HERC2: variants seen among roughly 807,000 people sequenced by gnomAD.
HERC2 encodes the protein E3 ubiquitin-protein ligase HERC2.
A neutral mutation model predicts 537.7 loss-of-function variants in HERC2; 102 were observed. The ratio of observed to expected loss-of-function variants is 0.19; its 90% confidence interval spans 0.16 to 0.22. The LOEUF (loss-of-function observed/expected upper bound fraction) is 0.22. Among genes scored for constraint, HERC2 ranks in the 10% least tolerant of loss-of-function variants. The pLI is 1.00. For synonymous variants in HERC2, 2,224 were observed against 2,466.2 expected (o/e 0.90, Z 2.91); for missense variants, 4,236 against 6,198.2 (o/e 0.68, Z 10.63).
At chr15:28,221,266 C>T (rs950284246) in intron 36 of HERC2, among the ~76,000 whole-genome samples, 4 of 151,428 alleles carry the variant, frequency 2.6e-5, no homozygotes, top group African/African-American at 4.9e-5. Flanking sequence ...ACCCCACAAT[C>T]CCTCACGGGC....
At chr15:28,182,901 G>C (rs904198374) in intron 56 of HERC2, among the ~76,000 whole-genome samples, 1 of 152,188 alleles carries the variant, frequency 6.6e-6, no homozygotes, top group African/African-American at 2.4e-5. Flanking sequence ...ACCTGCCCAG[G>C]AGCCACGCTG....
intron 4 of HERC2, among the ~76,000 whole-genome samples, chr15:28,289,669 C>T (rs1302696136): frequency 6.6e-6 from 1 of 152,194 alleles, no homozygotes; most frequent in African/African-American, 2.4e-5. Context: ...ATGTTTTTAG[C>T]AAGATGTGGT....
intron 23 of HERC2, among the ~76,000 whole-genome samples, chr15:28,242,705 T>A (rs1324539245): frequency 6.6e-6 from 1 of 152,220 alleles, no homozygotes; most frequent in Non-Finnish European, 1.5e-5. Flanking sequence ...TCTATCCATA[T>A]GACCAATATC....
At chr15:28,271,333 A>T (rs1215078781) in intron 9 of HERC2, among the ~76,000 whole-genome samples, 1 of 152,218 alleles carries the variant, frequency 6.6e-6, no homozygotes, top group Admixed American at 6.5e-5. Context: ...AATTCTTCTA[A>T]AGGCAGAAGA....
In HERC2 at chr15:28,191,264, C is replaced by G. The variant is rs759278882; in HGVS notation, c.8452-20G>C. Reference sequence around the variant, plus strand: ...CCAGTGCTTTAGAAAAACAAAAAAACCACATTCTCAGTTAGCAAAATTCAG... The same window carrying G: ...CCAGTGCTTTAGAAAAACAAAAAAAGCACATTCTCAGTTAGCAAAATTCAG... On this transcript the variant is annotated intron_variant, in intron 53 of 92. Transcript: ENST00000261609. The G allele has an allele frequency of 6.5e-7, 1 of 1,541,334 alleles. No individual in the cohort carries two copies. Among genetic ancestry groups the G allele is most frequent in the African/African-American group, 1.4e-5 (1 of 72,790 alleles).
In HERC2 at chr15:28,250,513, G is replaced by A. The variant is rs2905959; in HGVS notation, c.3051-1777C>T. ...AATCAAAACGTGTAATTCTGATGGG[G>A]TTCACTACTTATAAAAACTTCACAG... On this transcript the variant is annotated intron_variant, in intron 20 of 92. Transcript: ENST00000261609. Among the ~76,000 whole-genome samples the A allele has an allele frequency of 5.5e-4, 84 of 152,276 alleles. No homozygotes were observed. The Middle Eastern group carries it at 0.01, about 18-fold the overall frequency.
chr15:28,136,722 T>C (rs1890682427), intron 78 of HERC2, among the ~76,000 whole-genome samples: 1 of 152,236 alleles, frequency 6.6e-6, no homozygotes, highest in African/African-American at 2.4e-5. Context: ...TTATAATATG[T>C]CCAGGGCTGC....
rs1039468671 is a variant in HERC2, at chr15:28,142,944, T to C, written c.11427A>G (p.Thr3809=). 7 of 1,606,050 alleles carry C rather than the reference T, an allele frequency of 4.4e-6. No homozygotes were observed. In the African/African-American group the frequency reaches 5.4e-5, roughly 12 times the overall value. ...NDGETRALSF[T]GSALAALVKG... ...TCACCAAAGCAGCAAGAGCACTACC[T>C]GTAAAACTCTAAGAAACAACAGAAC... Residue 3809 remains threonine, a synonymous_variant, in exon 75 of 93, where the codon ACA becomes ACG. Coordinates refer to ENST00000261609, the MANE Select transcript of HERC2 (RefSeq NM_004667.6).
At chr15:28,320,578 TTACTTAA>T (rs1330081917) in intron 2 of HERC2, 1 of 152,022 alleles carries the variant, frequency 6.6e-6, no homozygotes, top group Non-Finnish European at 1.5e-5. Flanking sequence ...TCAAGGCACA[TTACTTAA>T]TACTTAAAAT....
rs777481301 is a variant in HERC2 at position 28,248,716 on chromosome 15, A to G, written c.3071T>C (p.Val1024Ala). ...ACGGGCAACATCTTTCAATCTGGCT[A>G]CAGTCTGAGAAGCAATGTTTCTATA... ...QLLRNIASQTVARLKDVARRI... is the reference protein window; with the variant it reads ...QLLRNIASQTAARLKDVARRI... Residue 1024 changes from valine to alanine, a missense_variant, in exon 21 of 93, where the codon GTA becomes GCA. Val to Ala is a moderately conservative substitution (Grantham distance 64). Around this residue, in one of 27 missense-constraint regions of HERC2, gnomAD observed 754 missense variants for 1,085.0 expected, o/e 0.69. Coordinates refer to ENST00000261609, the MANE Select transcript of HERC2 (RefSeq NM_004667.6). 1.9e-6 allele frequency: 3 copies of G among 1,613,762 alleles called. No individual in the cohort carries two copies. The highest frequency in any genetic ancestry group is 3.3e-5 in the Admixed American group (2 of 59,988).
intron 55 of HERC2, among the ~76,000 whole-genome samples, chr15:28,188,917 G>A (rs747690673): frequency 2.0e-5 from 3 of 151,912 alleles, no homozygotes; most frequent in African/African-American, 7.3e-5. Flanking sequence ...ACAAAACCCC[G>A]TCTCTATTAA....
In HERC2 at chr15:28,260,933, G is replaced by A. The variant is rs780771846; in HGVS notation, c.2160C>T (p.His720=). ...CGCTGTCCTCAGTCAGAGCCAGGCA[G>A]TGGGTGGAGCCTGCAGCCACATCAA... ...KVIDVAAGST[H]CLALTEDSEV... is the part of the protein sequence containing the mutation. The change falls in exon 16 of 93, where the codon CAC becomes CAT. Residue 720 remains histidine, a synonymous_variant. Coordinates refer to ENST00000261609, the MANE Select transcript of HERC2 (RefSeq NM_004667.6). 1.9e-6 allele frequency: 3 copies of A among 1,614,068 alleles called. No individual in the cohort carries two copies. Among genetic ancestry groups the A allele is most frequent in the Admixed American group, 3.3e-5 (2 of 60,030 alleles).
chr15:28,179,237 T>A lies in HERC2; in HGVS notation c.8938-14A>T. On this transcript the variant is annotated splice_polypyrimidine_tract_variant and intron_variant, in intron 57 of 92. Transcript: ENST00000261609. ...AGGAACCTTTATCTACAACAGAATT[T>A]TTTTAACAAAAAAAAAAGAAAAGAA... 6.5e-7 allele frequency: 1 copy of A among 1,546,620 alleles called. No individual in the cohort carries two copies. The highest frequency in any genetic ancestry group is 8.6e-7 in the Non-Finnish European group (1 of 1,157,850).
chr15:28,201,967 G>A (rs148716523), intron 47 of HERC2, 146 bp downstream of exon 47: 18 of 895,714 alleles, frequency 2.0e-5, no homozygotes, highest in African/African-American at 8.4e-5. Flanking sequence ...TTCTGTGCCC[G>A]GCAATACCAT....
intron 35 of HERC2, among the ~76,000 whole-genome samples, chr15:28,226,401 C>T (rs1376358184): frequency 1.3e-5 from 2 of 151,274 alleles, no homozygotes; most frequent in Non-Finnish European, 2.9e-5. Context: ...GGGGTACCTG[C>T]ACAATTATCA....
intron 35 of HERC2, among the ~76,000 whole-genome samples, chr15:28,226,081 C>T (rs866981259): frequency 6.6e-6 from 1 of 152,112 alleles, no homozygotes; most frequent in Non-Finnish European, 1.5e-5. Context: ...TTCTATGAGG[C>T]CATTATTACC....
In HERC2 at chr15:28,113,927, G is replaced by A. The variant is rs1026182418; in HGVS notation, c.13914-249C>T. 2.0e-5 allele frequency among the ~76,000 whole-genome samples: 3 copies of A among 152,176 alleles called. No individual in the cohort carries two copies. Among genetic ancestry groups the A allele is most frequent in the Middle Eastern group, 3.4e-3 (1 of 294 alleles). On this transcript the variant is annotated intron_variant, in intron 90 of 92. Coordinates refer to ENST00000261609, the MANE Select transcript of HERC2 (RefSeq NM_004667.6). The surrounding 1 kb of genome is among the most constrained non-coding windows in gnomAD (Gnocchi z 7.0). ...CCTACAGCTATGCACACCCCAAGACGCCACTCTCAGTACCCACAGGACACC... is the reference window on the plus strand; with the variant it reads ...CCTACAGCTATGCACACCCCAAGACACCACTCTCAGTACCCACAGGACACC...
intron 4 of HERC2, among the ~76,000 whole-genome samples, chr15:28,282,553 G>A (rs991573037): frequency 6.6e-6 from 1 of 152,160 alleles, no homozygotes; most frequent in Non-Finnish European, 1.5e-5. Flanking sequence ...TCAGTGAATG[G>A]ACACAGCAGT....
At chr15:28,181,787 C>T (rs1895843507) in intron 57 of HERC2, among the ~76,000 whole-genome samples, 1 of 152,192 alleles carries the variant, frequency 6.6e-6, no homozygotes, top group South Asian at 2.1e-4. Flanking sequence ...CATCCAAGTA[C>T]CTAGGGGATG....
Sources: gnomAD v4.1 joint callset for allele counts (sites outside exome capture counted in the v4.1 genomes callset) on GRCh38, gnomAD v4.1.1 for gene constraint, gnomAD v4.1.1 regional missense constraint, Gnocchi (gnomAD v3.1) non-coding constraint, MANE v1.5 for transcripts, NCBI Gene and HGNC (gene_info 2026-07-23, HGNC 2026-07-21) for gene names.